NRXN1: variants seen among roughly 807,000 people sequenced by gnomAD.
The protein encoded by NRXN1 is neurexin 1.
Under a neutral mutation model 150.9 loss-of-function variants are expected in NRXN1, and 39 were observed. The ratio of observed to expected loss-of-function variants is 0.26; its 90% CI spans 0.20 to 0.34. The LOEUF (loss-of-function observed/expected upper bound fraction) is 0.34. NRXN1 is among the 10% of genes least tolerant of loss of function. The pLI, the probability that NRXN1 is intolerant of heterozygous loss-of-function variation, is 1.00. For synonymous variants in NRXN1, 924 were observed against 757.0 expected (o/e 1.22, Z -3.62); for missense variants, 1,815 against 1,949.9 (o/e 0.93, Z 1.30).
intron 2 of NRXN1, among the ~76,000 whole-genome samples, chr2:51,008,750 A>G (rs1667413025): frequency 6.6e-6 from 1 of 151,664 alleles, no homozygotes; most frequent in Non-Finnish European, 1.5e-5. Flanking sequence ...TAAATTTATA[A>G]TTTACAAATT....
chr2:51,005,003 A>G (rs1179158896), intron 2 of NRXN1, among the ~76,000 whole-genome samples: 1 of 152,026 alleles, frequency 6.6e-6, no homozygotes, highest in Non-Finnish European at 1.5e-5. Flanking sequence ...ATATCTACAT[A>G]CATATCTACT....
intron 18 of NRXN1, among the ~76,000 whole-genome samples, chr2:50,169,365 A>C (rs1404128705): frequency 3.3e-5 from 5 of 152,174 alleles, no homozygotes; most frequent in Admixed American, 6.6e-5. Flanking sequence ...AATTCAGGGA[A>C]GTTTCTTGGG....
intron 15 of NRXN1, among the ~76,000 whole-genome samples, chr2:50,476,109 G>A (rs777537725): frequency 6.6e-5 from 10 of 152,108 alleles, no homozygotes; most frequent in Non-Finnish European, 1.0e-4. Context: ...GGCAAAGGTT[G>A]AATTGGGACA....
chr2:50,930,958 G>T (rs1273113373), intron 2 of NRXN1, among the ~76,000 whole-genome samples: 1 of 152,088 alleles, frequency 6.6e-6, no homozygotes, highest in African/African-American at 2.4e-5. Flanking sequence ...GAAAGCTCTT[G>T]GACTGAGGTT....
chr2:50,050,945 T>G lies in NRXN1; in HGVS notation c.4128+2326A>C, dbSNP rs530372866. Among the ~76,000 whole-genome samples the G allele has an allele frequency of 2.6e-5, 4 of 152,144 alleles. No homozygotes were observed. The East Asian group carries it at 7.7e-4, about 29-fold the overall frequency. On this transcript the variant is annotated intron_variant, in intron 21 of 22. Coordinates refer to ENST00000401669, the MANE Select transcript of NRXN1 (RefSeq NM_001330078.2). ...CAAATTCTTTAATTACTGTCACTGG[T>G]TTATTACAAAGCTAACAATTTTAAA...
chr2:50,646,727 T>C (rs1684869731), intron 5 of NRXN1, among the ~76,000 whole-genome samples: 1 of 149,550 alleles, frequency 6.7e-6, no homozygotes, highest in Non-Finnish European at 1.5e-5. Context: ...TTTTTTTTTT[T>C]TTCTCTCTGA....
At chr2:50,262,505 G>T (rs985669276) in intron 17 of NRXN1, among the ~76,000 whole-genome samples, 4 of 151,796 alleles carry the variant, frequency 2.6e-5, no homozygotes, top group African/African-American at 9.7e-5. Context: ...AAAAGGTTGG[G>T]TTAAATGTTA....
rs560500145 is a variant in NRXN1, at chr2:50,291,685, T to C, written c.3365-54715A>G. ...CTCAGACATACTGTTCTGCTATTTTTCCCTAAGGACAAAGTCCCTAAATAA... is the reference window on the plus strand; with the variant it reads ...CTCAGACATACTGTTCTGCTATTTTCCCCTAAGGACAAAGTCCCTAAATAA... On this transcript the variant is annotated intron_variant, in intron 17 of 22. Transcript: ENST00000401669. 3.9e-4 allele frequency among the ~76,000 whole-genome samples: 59 copies of C among 152,294 alleles called. 1 individual carries two copies. The highest frequency in any genetic ancestry group is 1.3e-3 in the African/African-American group (53 of 41,556).
intron 5 of NRXN1, among the ~76,000 whole-genome samples, chr2:50,782,788 T>C (rs1483359736): frequency 6.6e-6 from 1 of 152,128 alleles, no homozygotes; most frequent in South Asian, 2.1e-4. Context: ...CAGTAGTGAC[T>C]CATCCTTTTC....
At chr2:50,099,441 T>C (rs1189273019) in intron 18 of NRXN1, among the ~76,000 whole-genome samples, 1 of 152,180 alleles carries the variant, frequency 6.6e-6, no homozygotes, top group East Asian at 1.9e-4. Context: ...GGTTTTAGTA[T>C]ATTCACAAGG....
chr2:50,860,690 T>C (rs570390142), intron 5 of NRXN1, among the ~76,000 whole-genome samples: 1 of 152,154 alleles, frequency 6.6e-6, no homozygotes, highest in Admixed American at 6.5e-5. Context: ...AAGTCATGCA[T>C]CCATTCATTC....
intron 5 of NRXN1, chr2:50,919,303 T>C (rs553475835): frequency 6.6e-6 from 1 of 151,842 alleles, no homozygotes; most frequent in South Asian, 2.1e-4. Context: ...GACCAGTGCT[T>C]ACCTCGAGAG....
chr2:50,408,209 T>A (rs1426211102), intron 17 of NRXN1, among the ~76,000 whole-genome samples: 1 of 152,222 alleles, frequency 6.6e-6, no homozygotes. Context: ...CAAGGGCTAC[T>A]GTGAAGAATG....
At chr2:50,151,215 A>G (rs1391980945) in intron 18 of NRXN1, among the ~76,000 whole-genome samples, 2 of 151,712 alleles carry the variant, frequency 1.3e-5, no homozygotes, top group Non-Finnish European at 2.9e-5. Context: ...TTGTTATTTA[A>G]GGTTTCTTTC....
At chr2:50,083,010 A>G (rs994251887) in intron 19 of NRXN1, among the ~76,000 whole-genome samples, 47 of 152,166 alleles carry the variant, frequency 3.1e-4, no homozygotes, top group Admixed American at 9.2e-4. Context: ...CTGAAAGCAG[A>G]AAAAAAGGGC....
At chr2:50,867,234 A>G (rs992901604) in intron 5 of NRXN1, among the ~76,000 whole-genome samples, 2 of 151,860 alleles carry the variant, frequency 1.3e-5, no homozygotes, top group African/African-American at 4.8e-5. Flanking sequence ...CTATGTAGTG[A>G]CAGGGCAAAA....
chr2:50,456,957 C>T (rs779742701), intron 17 of NRXN1, among the ~76,000 whole-genome samples: 1 of 152,234 alleles, frequency 6.6e-6, no homozygotes, highest in African/African-American at 2.4e-5. Flanking sequence ...TGAATCTTAA[C>T]AGTTAATTTC....
At chr2:50,314,815 T>C (rs2075460051) in intron 17 of NRXN1, among the ~76,000 whole-genome samples, 1 of 152,048 alleles carries the variant, frequency 6.6e-6, no homozygotes, top group Non-Finnish European at 1.5e-5. Flanking sequence ...ATAATGATGT[T>C]CACTTCTATT....
intron 5 of NRXN1, among the ~76,000 whole-genome samples, chr2:50,629,899 T>C (rs964875960): frequency 6.8e-6 from 1 of 146,008 alleles, no homozygotes; most frequent in Non-Finnish European, 1.5e-5. Context: ...TGTTTGAAGA[T>C]CCATATCTTA....
Sources: allele counts gnomAD v4.1 joint callset (sites outside exome capture counted in the v4.1 genomes callset), GRCh38; gene constraint gnomAD v4.1.1; transcripts MANE v1.5; gene names NCBI Gene and HGNC (gene_info 2026-07-23, HGNC 2026-07-21).